SCMH1: variants seen among roughly 807,000 people sequenced by gnomAD.
The protein encoded by SCMH1 is polycomb protein SCMH1.
Under a neutral mutation model 70.8 loss-of-function variants are expected in SCMH1, and 37 were observed. That is an observed-to-expected ratio of 0.52 (90% CI 0.40 to 0.69). The LOEUF (loss-of-function observed/expected upper bound fraction) is 0.69. SCMH1 is among the 30% of genes least tolerant of loss of function. The pLI, the probability that SCMH1 is intolerant of heterozygous loss-of-function variation, is 0.00. For missense variants in SCMH1, 607 were observed against 827.3 expected (o/e 0.73, Z 3.27); for synonymous variants, 292 against 307.4 (o/e 0.95, Z 0.52).
At chr1:41,151,582 T>C in intron 5 of SCMH1, 32 bp downstream of exon 5, 1 of 1,556,472 alleles carries the variant, frequency 6.4e-7, no homozygotes, top group Non-Finnish European at 8.8e-7. Flanking sequence ...TGACTTATCT[T>C]CCACCTACTA....
chr1:41,225,773 G>T (rs533064519), intron 1 of SCMH1, among the ~76,000 whole-genome samples: 1 of 152,286 alleles, frequency 6.6e-6, no homozygotes, highest in South Asian at 2.1e-4. Flanking sequence ...TAGGATCTAT[G>T]GCAAGAAGCA....
intron 4 of SCMH1, among the ~76,000 whole-genome samples, chr1:41,158,063 C>G (rs897269891): frequency 1.3e-5 from 2 of 152,110 alleles, no homozygotes; most frequent in East Asian, 3.9e-4. Context: ...TGAGAGAGAG[C>G]AAATCTGAGT....
chr1:41,076,136 C>G (rs1658219103), intron 8 of SCMH1, among the ~76,000 whole-genome samples: 1 of 152,140 alleles, frequency 6.6e-6, no homozygotes, highest in African/African-American at 2.4e-5. Flanking sequence ...GATGTCATTT[C>G]CTATCATCCA....
chr1:41,127,739 G>C (rs1240779352), intron 6 of SCMH1, among the ~76,000 whole-genome samples: 2 of 152,098 alleles, frequency 1.3e-5, no homozygotes, highest in African/African-American at 4.8e-5. Context: ...GCCCTTATTT[G>C]ATAGAACTAT....
intron 2 of SCMH1, among the ~76,000 whole-genome samples, chr1:41,165,243 A>G (rs1646335798): frequency 6.6e-6 from 1 of 152,144 alleles, no homozygotes; most frequent in South Asian, 2.1e-4. Context: ...AATGTATTCC[A>G]TTGTGTATAT....
intron 1 of SCMH1, 87 bp downstream of exon 1, chr1:41,241,972 C>A (rs2148972214): frequency 1.3e-5 from 2 of 152,340 alleles, no homozygotes; most frequent in East Asian, 3.9e-4. Flanking sequence ...GCAGCGGCTG[C>A]GCAGGTCCCG....
At chr1:41,063,727 A>G (rs1473876547) in intron 10 of SCMH1, among the ~76,000 whole-genome samples, 1 of 152,202 alleles carries the variant, frequency 6.6e-6, no homozygotes, top group Non-Finnish European at 1.5e-5. Context: ...GATAACCTAG[A>G]TGAAATGAAC....
chr1:41,044,367 T>C (rs1387399921), intron 12 of SCMH1, among the ~76,000 whole-genome samples: 1 of 151,084 alleles, frequency 6.6e-6, no homozygotes, highest in East Asian at 2.0e-4. Context: ...TTGGCAGAGG[T>C]TTAGGTAAGT....
At chr1:41,167,899 C>T (rs1193232239) in intron 2 of SCMH1, among the ~76,000 whole-genome samples, 2 of 139,808 alleles carry the variant, frequency 1.4e-5, no homozygotes, top group Admixed American at 1.5e-4. Flanking sequence ...GTATGCTTTG[C>T]TGGCAGTGTT....
intron 10 of SCMH1, among the ~76,000 whole-genome samples, chr1:41,053,803 C>T (rs532798879): frequency 2.6e-5 from 4 of 151,776 alleles, no homozygotes; most frequent in East Asian, 3.9e-4. Context: ...GAAGGAGACT[C>T]GAGGAGAGTT....
In SCMH1 at chr1:41,083,531, A is replaced by G. The variant is rs375096488; in HGVS notation, c.746-8080T>C. Among the ~76,000 whole-genome samples, 30 of 152,298 alleles carry G rather than the reference A, an allele frequency of 2.0e-4. 1 individual carries two copies. Among genetic ancestry groups the G allele is most frequent in the African/African-American group, 6.7e-4 (28 of 41,570 alleles). Reference sequence around the variant, plus strand: ...CTCATGGGTAGGTAGAATCAATATCATGAAAATGGCCATACTGCCCAAGGT... The same window carrying G: ...CTCATGGGTAGGTAGAATCAATATCGTGAAAATGGCCATACTGCCCAAGGT... On this transcript the variant is annotated intron_variant, in intron 8 of 14. Coordinates refer to ENST00000337495, the Ensembl canonical transcript of SCMH1.
At chr1:41,220,525 A>AG (rs1659033981) in intron 1 of SCMH1, among the ~76,000 whole-genome samples, 1 of 152,258 alleles carries the variant, frequency 6.6e-6, no homozygotes, top group East Asian at 1.9e-4. Context: ...CCTTGAAAGC[A>AG]GGAACTATGC....
intron 12 of SCMH1, 36 bp downstream of exon 12, chr1:41,046,371 C>A: frequency 6.3e-7 from 1 of 1,593,366 alleles, no homozygotes; most frequent in Non-Finnish European, 8.6e-7. Context: ...TAGCCCTGTC[C>A]CCCACTCTCA....
intron 6 of SCMH1, among the ~76,000 whole-genome samples, chr1:41,127,359 A>G (rs1400053808): frequency 1.3e-5 from 2 of 152,096 alleles, no homozygotes; most frequent in Admixed American, 6.6e-5. Flanking sequence ...TAAAAAGTCA[A>G]ATTTGTCGGT....
chr1:41,209,173 T>C lies in SCMH1; in HGVS notation c.-117-22923A>G, dbSNP rs911713480. ...CTCCCAAGACTAAACCAGGAAGAAG[T>C]TGAATCTCTGAATAGACCAATAACA... On this transcript the variant is annotated intron_variant, in intron 1 of 14. Transcript: ENST00000337495. 5.3e-5 allele frequency among the ~76,000 whole-genome samples: 8 copies of C among 152,286 alleles called. No individual in the cohort carries two copies. In the East Asian group the frequency reaches 7.7e-4, roughly 15 times the overall value.
At chr1:41,187,393 C>T (rs921668388) in intron 1 of SCMH1, among the ~76,000 whole-genome samples, 4 of 147,700 alleles carry the variant, frequency 2.7e-5, no homozygotes, top group South Asian at 4.4e-4. Flanking sequence ...ACCCAGGAGG[C>T]GGAGGTTGCA....
intron 10 of SCMH1, among the ~76,000 whole-genome samples, chr1:41,058,806 A>C (rs1169538025): frequency 6.6e-6 from 1 of 152,236 alleles, no homozygotes; most frequent in Non-Finnish European, 1.5e-5. Flanking sequence ...TTTGAAGAGC[A>C]AAAATGGGGT....
At chr1:41,066,538 G>C (rs1472663248) in intron 10 of SCMH1, among the ~76,000 whole-genome samples, 1 of 152,088 alleles carries the variant, frequency 6.6e-6, no homozygotes, top group Non-Finnish European at 1.5e-5. Context: ...AGTGGAGGAG[G>C]TGAGCATATG....
At chr1:41,152,767 T>C in intron 4 of SCMH1, 2 of 1,576,380 alleles carry the variant, frequency 1.3e-6, no homozygotes, top group Non-Finnish European at 1.7e-6. Flanking sequence ...AGTCACTGAA[T>C]GAAGAAATCT....
Sources: gnomAD v4.1 joint callset for allele counts (sites outside exome capture counted in the v4.1 genomes callset) on GRCh38, gnomAD v4.1.1 for gene constraint, MANE v1.5 for transcripts, NCBI Gene and HGNC (gene_info 2026-07-23, HGNC 2026-07-21) for gene names.